RUNX1: variants seen among roughly 807,000 people sequenced by gnomAD.
RUNX1 encodes the protein runt-related transcription factor 1.
RUNX1 carries 19 observed loss-of-function variants against 42.8 expected under a neutral mutation model. The ratio of observed to expected loss-of-function variants is 0.44; its 90% confidence interval spans 0.31 to 0.65. The LOEUF (loss-of-function observed/expected upper bound fraction) is 0.65. Among genes scored for constraint, RUNX1 ranks in the 30% least tolerant of loss-of-function variants. RUNX1 has a pLI of 0.07. For synonymous variants in RUNX1, 271 were observed against 289.4 expected (o/e 0.94, Z 0.64); for missense variants, 528 against 672.0 (o/e 0.79, Z 2.37).
intron 2 of RUNX1, among the ~76,000 whole-genome samples, chr21:34,962,196 A>C (rs1030273964): frequency 6.6e-6 from 1 of 152,178 alleles, no homozygotes; most frequent in African/African-American, 2.4e-5. Flanking sequence ...CCCAGCTGTA[A>C]GTTGTATTTA....
At position 34,791,047 on chromosome 21, in the gene RUNX1, T is replaced by C. The variant is rs775216896; in HGVS notation, c.*1088A>G. Reference sequence around the variant, plus strand: ...AAGGAGGAAGTTAGATATGAGACCCTTGTTGAGCCTGGCAGAAAATTCCAT... The same window carrying C: ...AAGGAGGAAGTTAGATATGAGACCCCTGTTGAGCCTGGCAGAAAATTCCAT... On this transcript the variant is annotated 3_prime_UTR_variant, in exon 9 of 9. Transcript: ENST00000675419. The C allele has an allele frequency of 2.1e-5, 5 of 233,552 alleles. No individual in the cohort carries two copies. The highest frequency in any genetic ancestry group is 3.4e-5 in the Non-Finnish European group (4 of 118,034). 14.5% of individuals were successfully genotyped at this position (233,552 alleles called of 1,614,324 possible).
At chr21:34,821,437 TAA>T in intron 7 of RUNX1, 1 of 1,348,238 alleles carries the variant, frequency 7.4e-7, no homozygotes, top group Non-Finnish European at 9.6e-7. Flanking sequence ...TTCTGCAGGC[TAA>T]CTCATTTAAT....
chr21:34,968,004 G>A (rs547434786), intron 2 of RUNX1, among the ~76,000 whole-genome samples: 1 of 152,200 alleles, frequency 6.6e-6, no homozygotes, highest in East Asian at 1.9e-4. Context: ...GAAAAACACT[G>A]ATTGACATTT....
intron 2 of RUNX1, among the ~76,000 whole-genome samples, chr21:35,036,391 T>C (rs1352430341): frequency 6.6e-6 from 1 of 152,168 alleles, no homozygotes; most frequent in Admixed American, 6.5e-5. Flanking sequence ...TGCATTTCCA[T>C]TGATCAGGGC....
chr21:34,972,073 C>T (rs1268544122), intron 2 of RUNX1, among the ~76,000 whole-genome samples: 3 of 150,898 alleles, frequency 2.0e-5, no homozygotes, highest in Non-Finnish European at 4.4e-5. Flanking sequence ...TTTTTATATC[C>T]ACTACCCAAA....
At chr21:34,909,323 A>G (rs1018688760) in intron 2 of RUNX1, among the ~76,000 whole-genome samples, 14 of 152,166 alleles carry the variant, frequency 9.2e-5, no homozygotes, top group Admixed American at 5.2e-4. Context: ...ATGCTTGCTC[A>G]TATCACTTAT....
intron 2 of RUNX1, among the ~76,000 whole-genome samples, chr21:34,948,248 CCAA>C (rs2058580241): frequency 6.6e-6 from 1 of 152,152 alleles, no homozygotes; most frequent in Non-Finnish European, 1.5e-5. Flanking sequence ...CAACACCTCT[CCAA>C]CAACAGCTGC....
chr21:34,806,160 C>T (rs2056676713), intron 7 of RUNX1, among the ~76,000 whole-genome samples: 1 of 152,074 alleles, frequency 6.6e-6, no homozygotes, highest in Non-Finnish European at 1.5e-5. Context: ...AATATGAATA[C>T]TCTAAATGCA....
chr21:34,924,492 T>C (rs1277264728), intron 2 of RUNX1, among the ~76,000 whole-genome samples: 3 of 152,090 alleles, frequency 2.0e-5, no homozygotes, highest in Non-Finnish European at 4.4e-5. Flanking sequence ...TGTGGTGTGT[T>C]GGTGATGAGA....
chr21:34,891,990 C>T (rs2058085454), intron 3 of RUNX1, among the ~76,000 whole-genome samples: 2 of 152,082 alleles, frequency 1.3e-5, no homozygotes, highest in Non-Finnish European at 1.5e-5. Context: ...TACCTTTTTG[C>T]TCTTTCAAAA....
chr21:35,014,792 T>C (rs555457230), intron 2 of RUNX1, among the ~76,000 whole-genome samples: 3 of 152,348 alleles, frequency 2.0e-5, no homozygotes, highest in East Asian at 3.9e-4. Flanking sequence ...CGTTTACTCT[T>C]GTGTGCCATG....
At chr21:34,920,710 A>G (rs2058347275) in intron 2 of RUNX1, among the ~76,000 whole-genome samples, 1 of 152,218 alleles carries the variant, frequency 6.6e-6, no homozygotes, top group Non-Finnish European at 1.5e-5. Context: ...ATATATACAC[A>G]TCCACATGGG....
intron 7 of RUNX1, among the ~76,000 whole-genome samples, chr21:34,809,502 TAAAGAA>T (rs2056729124): frequency 1.3e-5 from 2 of 151,976 alleles, no homozygotes; most frequent in African/African-American, 2.4e-5. Flanking sequence ...TGCACACAGC[TAAAGAA>T]ACAGAATTTT....
chr21:34,903,878 A>T (rs1339381799), intron 2 of RUNX1, among the ~76,000 whole-genome samples: 2 of 152,210 alleles, frequency 1.3e-5, no homozygotes, highest in African/African-American at 4.8e-5. Context: ...GAAATAAAAA[A>T]TAGCTGGAAA....
At chr21:34,799,870 ACT>A (rs1389821122) in intron 7 of RUNX1, among the ~76,000 whole-genome samples, 1 of 152,012 alleles carries the variant, frequency 6.6e-6, no homozygotes, top group Non-Finnish European at 1.5e-5. Context: ...CATTTTATAA[ACT>A]CAGGGGATCA....
At chr21:34,806,496 T>C (rs2056681749) in intron 7 of RUNX1, among the ~76,000 whole-genome samples, 1 of 152,122 alleles carries the variant, frequency 6.6e-6, no homozygotes, top group Non-Finnish European at 1.5e-5. Context: ...CAAAAACTGA[T>C]AGAACTACAC....
At position 34,886,959 on chromosome 21, in the gene RUNX1, C is replaced by T. The variant is rs1267412169; in HGVS notation, c.235G>A (p.Val79Met). 1 of 1,612,050 alleles carries T rather than the reference C, an allele frequency of 6.2e-7. No homozygotes were observed. Among genetic ancestry groups the T allele is most frequent in the African/African-American group, 1.3e-5 (1 of 75,026 alleles). ...GKLRSGDRSM[V>M]EVLADHPGEL... ...CCCGGGTGGTCGGCCAGCACCTCCA[C>T]CATGCTGCGGTCGCCGCTCCTCAGC... Residue 79 changes from valine (V) to methionine (M), a missense_variant, in exon 4 of 9, where the codon GTG becomes ATG. By Grantham distance (21) the Val-to-Met change is conservative. This residue lies in a region of RUNX1 where 114 missense variants were observed against 115.0 expected (regional missense o/e 0.99). Transcript: ENST00000675419.
At chr21:34,844,237 CT>C (rs1181773716) in intron 6 of RUNX1, among the ~76,000 whole-genome samples, 1 of 152,142 alleles carries the variant, frequency 6.6e-6, no homozygotes, top group Non-Finnish European at 1.5e-5. Flanking sequence ...GGGTGGCGCA[CT>C]ATGGAGATAT....
chr21:34,979,201 G>A (rs144353115), intron 2 of RUNX1, among the ~76,000 whole-genome samples: 3,649 of 152,182 alleles, frequency 0.024, 72 homozygotes, highest in Non-Finnish European at 0.037. Context: ...CACAGCCCCC[G>A]GAATAAGAGA....
Sources: allele counts gnomAD v4.1 joint callset (sites outside exome capture counted in the v4.1 genomes callset), GRCh38; gene constraint gnomAD v4.1.1; regional missense constraint gnomAD v4.1.1; transcripts MANE v1.5; gene names NCBI Gene and HGNC (gene_info 2026-07-23, HGNC 2026-07-21).